The following DDX11 variants were observed in gnomAD, a reference collection of about 807,000 sequenced individuals.
DDX11 encodes the protein ATP-dependent DNA helicase DDX11.
In DDX11, 72 loss-of-function variants were observed where a neutral mutation model predicts 125.2. That is an observed-to-expected ratio of 0.58 (90% confidence interval 0.48 to 0.70). DDX11 has a LOEUF of 0.70. Among genes scored for constraint, DDX11 ranks in the 30% least tolerant of loss-of-function variants. The pLI, the probability that DDX11 is intolerant of heterozygous loss-of-function variation, is 0.00. For synonymous variants in DDX11, 347 were observed against 452.6 expected (o/e 0.77, Z 2.96); for missense variants, 883 against 1,165.0 (o/e 0.76, Z 3.52).
At chr12:31,084,474 G>A (rs1431299522) in intron 3 of DDX11, 109 bp from the exon 4 acceptor site, 34 of 984,314 alleles carry the variant, frequency 3.5e-5, no homozygotes, top group African/African-American at 4.8e-5. Flanking sequence ...GGCCGGGGAA[G>A]GAGAGATGCC....
intron 18 of DDX11, among the ~76,000 whole-genome samples, chr12:31,099,604 T>C (rs867609172): frequency 1.2e-4 from 18 of 150,896 alleles, no homozygotes; most frequent in South Asian, 1.1e-3. Context: ...CCACTAAGGA[T>C]GCCTGGTCAC....
intron 12 of DDX11, chr12:31,093,655 A>G: frequency 2.9e-6 from 1 of 339,062 alleles, no homozygotes; most frequent in Non-Finnish European, 5.6e-6. Flanking sequence ...CGGGAGGCGG[A>G]GGTTGCAGTG....
intron 14 of DDX11, 100 bp from the exon 15 acceptor site, chr12:31,096,241 G>T (rs1359464070): frequency 4.2e-6 from 6 of 1,427,326 alleles, no homozygotes; most frequent in Non-Finnish European, 5.8e-6. Flanking sequence ...GCACTGCGTT[G>T]TGCTGCCTGG....
rs1046458 is a variant in DDX11, at chr12:31,103,971, T to G, written c.*135T>G. The stretch of plus-strand genomic sequence containing the variant: ...CAGGAGGAGAGTGTGGAGTCCAGAG[T>G]GCTGCCAGGACCCAGGCACAGGCGT... On this transcript the variant is annotated 3_prime_UTR_variant, in exon 27 of 27. Transcript: ENST00000542838. The G allele has an allele frequency of 6.3e-7, 1 of 1,582,548 alleles. No individual in the cohort carries two copies. Among genetic ancestry groups the G allele is most frequent in the Non-Finnish European group, 8.6e-7 (1 of 1,165,302 alleles).
chr12:31,087,974 C>T lies in DDX11; in HGVS notation c.675C>T (p.His225=). ...DEDEDDLEEE[H]ITKIYYCSRT... is the part of the protein sequence containing the mutation. ...ATGAGGATGACCTGGAGGAAGAACA[C>T]ATAACTAAGGTAACACAAGTGTCCT... is the stretch of plus-strand genomic sequence containing the variant. The change falls in exon 6 of 27, where the codon CAC becomes CAT. Residue 225 remains histidine (H), a synonymous_variant. Coordinates refer to ENST00000542838, the MANE Select transcript of DDX11 (RefSeq NM_030653.4). 1.9e-6 allele frequency: 3 copies of T among 1,607,884 alleles called. No homozygotes were observed. The highest frequency in any genetic ancestry group is 2.5e-6 in the Non-Finnish European group (3 of 1,177,570).
At chr12:31,099,565 G>A (rs1946020696) in intron 18 of DDX11, among the ~76,000 whole-genome samples, 1 of 149,296 alleles carries the variant, frequency 6.7e-6, no homozygotes, top group Non-Finnish European at 1.5e-5. Context: ...GATTGAAATT[G>A]CCTTTCCTCT....
chr12:31,088,509 G>A (rs1455163184), intron 6 of DDX11, among the ~76,000 whole-genome samples: 2 of 152,206 alleles, frequency 1.3e-5, no homozygotes, highest in East Asian at 1.9e-4. Flanking sequence ...TATGGGTTGT[G>A]TATGGTCTGA....
chr12:31,086,287 C>T (rs558517315), intron 5 of DDX11: 6 of 410,088 alleles, frequency 1.5e-5, no homozygotes, highest in African/African-American at 1.2e-4. Flanking sequence ...GTTGTTGCCT[C>T]CTCTCCCTGG....
At chr12:31,093,930 G>A (rs1944742038) in intron 12 of DDX11, among the ~76,000 whole-genome samples, 1 of 148,040 alleles carries the variant, frequency 6.8e-6, no homozygotes, top group African/African-American at 2.5e-5. Context: ...TCCGTGATAG[G>A]CATAGTTCTG....
intron 11 of DDX11, 99 bp downstream of exon 11, chr12:31,092,991 G>C: frequency 7.1e-7 from 1 of 1,407,586 alleles, no homozygotes; most frequent in Non-Finnish European, 1.0e-6. Context: ...CCTCTGGCCC[G>C]GGCTGTGGCG....
intron 2 of DDX11, among the ~76,000 whole-genome samples, chr12:31,081,320 TG>T (rs1941881704): frequency 6.6e-6 from 1 of 152,258 alleles, no homozygotes; most frequent in African/African-American, 2.4e-5. Context: ...AGCCATGCTG[TG>T]GGACACCCTG....
intron 2 of DDX11, among the ~76,000 whole-genome samples, 182 bp downstream of exon 2, chr12:31,078,719 G>C (rs1052094472): frequency 6.9e-6 from 1 of 143,992 alleles, no homozygotes; most frequent in Non-Finnish European, 1.5e-5. Flanking sequence ...ACGGAGTCTC[G>C]CTGTGTCGCC....
intron 17 of DDX11, 43 bp downstream of exon 17, chr12:31,097,033 G>A (rs771501792): frequency 4.7e-5 from 75 of 1,610,642 alleles, no homozygotes; most frequent in Non-Finnish European, 6.2e-5. Context: ...CCAGGAAGGA[G>A]CCAAGCTGAG....
In DDX11 at chr12:31,092,907, T is replaced by G; in HGVS notation, c.1289+15T>G. The G allele has an allele frequency of 6.2e-7, 1 of 1,613,980 alleles. No homozygotes were observed. Among genetic ancestry groups the G allele is most frequent in the Non-Finnish European group, 8.5e-7 (1 of 1,179,832 alleles). The stretch of plus-strand genomic sequence containing the variant: ...GAGCGATACGGGTGAGATGTGACCC[T>G]CTGAGGTAGTGGGACAGTCCCTTGG... On this transcript the variant is annotated intron_variant, in intron 11 of 26. Coordinates refer to ENST00000542838, the MANE Select transcript of DDX11 (RefSeq NM_030653.4).
intron 5 of DDX11, 71 bp from the exon 6 acceptor site, chr12:31,087,867 A>T: frequency 6.4e-7 from 1 of 1,555,864 alleles, no homozygotes; most frequent in Non-Finnish European, 8.7e-7. Context: ...ACCAGCGCTC[A>T]GCAGATGCTC....
intron 2 of DDX11, among the ~76,000 whole-genome samples, chr12:31,079,631 C>T (rs1941453785): frequency 6.7e-6 from 1 of 149,870 alleles, no homozygotes; most frequent in Non-Finnish European, 1.5e-5. Flanking sequence ...GTAGTAGAGT[C>T]ACATGGCGGG....
chr12:31,100,646 C>G lies in DDX11; in HGVS notation c.1887C>G (p.Phe629Leu), dbSNP rs1308614710. 1 of 1,552,382 alleles carries G rather than the reference C, an allele frequency of 6.4e-7. No homozygotes were observed. Among genetic ancestry groups the G allele is most frequent in the Non-Finnish European group, 8.7e-7 (1 of 1,147,154 alleles). ...AGGTMQPVSDFRQQLLACAGV... is the reference protein window; with the variant it reads ...AGGTMQPVSDLRQQLLACAGV... Reference sequence around the variant, plus strand: ...GCCTTGGTCTACAGGTGTCTGACTTCCGGCAGCAGCTGCTGGCCTGTGCCG... The same window carrying G: ...GCCTTGGTCTACAGGTGTCTGACTTGCGGCAGCAGCTGCTGGCCTGTGCCG... Residue 629 changes from phenylalanine to leucine, a missense_variant, in exon 19 of 27, where the codon TTC becomes TTG. Coordinates refer to ENST00000542838, the MANE Select transcript of DDX11 (RefSeq NM_030653.4).
chr12:31,080,351 CT>C (rs1272793143), intron 2 of DDX11, among the ~76,000 whole-genome samples: 1 of 152,202 alleles, frequency 6.6e-6, no homozygotes, highest in Admixed American at 6.5e-5. Context: ...CCTCCTCCCC[CT>C]CCCTCTTGCC....
chr12:31,094,447 C>T, intron 12 of DDX11, 143 bp from the exon 13 acceptor site: 16 of 1,468,584 alleles, frequency 1.1e-5, no homozygotes, highest in Non-Finnish European at 1.5e-5. Context: ...CCGTTGCATG[C>T]TATAAACAGT....
Sources: allele counts gnomAD v4.1 joint callset (sites outside exome capture counted in the v4.1 genomes callset), GRCh38; gene constraint gnomAD v4.1.1; transcripts MANE v1.5; gene names NCBI Gene and HGNC (gene_info 2026-07-23, HGNC 2026-07-21).